The following ELF1 variants were observed in gnomAD, a reference collection of about 807,000 sequenced individuals.
The protein encoded by ELF1 is ETS-related transcription factor Elf-1.
In ELF1, 24 loss-of-function variants were observed where a neutral mutation model predicts 59.9. The observed-to-expected ratio is 0.40, with a 90% CI of 0.29 to 0.56. ELF1 has a LOEUF of 0.56. Ranked by LOEUF, ELF1 falls within the 20% of genes least tolerant of loss-of-function variation. The pLI is 0.44. For synonymous variants in ELF1, 248 were observed against 266.2 expected, an observed-to-expected ratio of 0.93 and a Z score of 0.67; for missense variants, 627 against 742.2, an observed-to-expected ratio of 0.84 and a Z score of 1.80.
chr13:41,060,908 TGCTGCTGCCGCCGCC>T, exon 1 of ELF1: 1 of 275,360 alleles, frequency 3.6e-6, no homozygotes, highest in East Asian at 1.0e-4. Flanking sequence ...CTACTGAAGC[TGCTGCTGCCGCCGCC>T]GCCGCCGCCG....
At chr13:41,042,180 A>C (rs1400401234) in intron 1 of ELF1, among the ~76,000 whole-genome samples, 1 of 151,642 alleles carries the variant, frequency 6.6e-6, no homozygotes, top group Non-Finnish European at 1.5e-5. Flanking sequence ...ATGCCACCAC[A>C]CCCGGCTAAT....
chr13:40,936,771 A>AG (rs1338182725), intron 8 of ELF1, among the ~76,000 whole-genome samples: 1 of 148,602 alleles, frequency 6.7e-6, no homozygotes, highest in South Asian at 2.1e-4. Context: ...AAAAAAAAAA[A>AG]AAAAAAGAAA....
At chr13:41,045,162 G>C (rs1189648409) in intron 1 of ELF1, among the ~76,000 whole-genome samples, 2 of 149,024 alleles carry the variant, frequency 1.3e-5, no homozygotes, top group Non-Finnish European at 1.5e-5. Context: ...ATTTTTTATT[G>C]CATCTATTTG....
rs55938711 is a variant in ELF1 at position 41,000,237 on chromosome 13, CTTTTTTTTTTTTT to C, written c.-228-17968_-228-17956del. ...CCAAATGAGGCTGCATTGAACCTGGCTTTTTTTTTTTTTTTTTTTTTTTTTTTTTTTGAGACAG... is the reference window on the plus strand; with the variant it reads ...CCAAATGAGGCTGCATTGAACCTGGCTTTTTTTTTTTTTTTTTTGAGACAG... On this transcript the variant is annotated intron_variant, in intron 1 of 8. Coordinates refer to ENST00000239882, the MANE Select transcript of ELF1 (RefSeq NM_172373.4). 3.7e-3 allele frequency among the ~76,000 whole-genome samples: 200 copies of C among 54,752 alleles called. 2 individuals carry two copies. The highest frequency in any genetic ancestry group is 0.013 in the African/African-American group (168 of 12,992). 35.9% of individuals were successfully genotyped at this position (54,752 alleles called of 152,430 possible). A position where few individuals can be genotyped will look rare whatever the true frequency, so the allele number is the denominator to read the frequency against.
intron 1 of ELF1, among the ~76,000 whole-genome samples, chr13:40,984,139 G>C (rs1234020047): frequency 6.6e-6 from 1 of 152,184 alleles, no homozygotes; most frequent in African/African-American, 2.4e-5. Flanking sequence ...CAATGTGCCA[G>C]GCACCAAGAC....
intron 1 of ELF1, among the ~76,000 whole-genome samples, chr13:41,053,353 C>CAA (rs771853618): frequency 4.0e-5 from 5 of 125,480 alleles, no homozygotes; most frequent in African/African-American, 1.2e-4. Flanking sequence ...GACTCCGTCT[C>CAA]AAAAAAAAAA....
At chr13:41,005,590 T>C (rs1874700846) in intron 1 of ELF1, among the ~76,000 whole-genome samples, 1 of 152,000 alleles carries the variant, frequency 6.6e-6, no homozygotes, top group Non-Finnish European at 1.5e-5. Flanking sequence ...TCTCCTGTAC[T>C]ACAATTTATA....
intron 1 of ELF1, among the ~76,000 whole-genome samples, chr13:41,050,771 G>C (rs555837909): frequency 6.6e-6 from 1 of 151,918 alleles, no homozygotes; most frequent in African/African-American, 2.4e-5. Flanking sequence ...GGCTGGTCTC[G>C]AACTCCTTAC....
intron 4 of ELF1, 110 bp downstream of exon 4, chr13:40,951,219 G>T (rs919963988): frequency 4.5e-6 from 4 of 879,498 alleles, no homozygotes; most frequent in African/African-American, 3.4e-5. Context: ...AAATGTGATT[G>T]TAACAAAAAA....
upstream of ELF1, among the ~76,000 whole-genome samples, chr13:41,022,633 C>T (rs1299113050): frequency 6.6e-6 from 1 of 152,340 alleles, no homozygotes; most frequent in East Asian, 1.9e-4. Context: ...GTAATCCCAG[C>T]ACTTTGGGAG....
intron 1 of ELF1, among the ~76,000 whole-genome samples, chr13:40,994,757 T>C (rs1202033544): frequency 6.6e-6 from 1 of 152,228 alleles, no homozygotes; most frequent in Non-Finnish European, 1.5e-5. Context: ...CAAAACCTGT[T>C]CAGGCAGTTA....
At chr13:40,974,912 A>G (rs1348223281) in intron 2 of ELF1, among the ~76,000 whole-genome samples, 1 of 152,192 alleles carries the variant, frequency 6.6e-6, no homozygotes, top group Non-Finnish European at 1.5e-5. Context: ...TCTCCCCCAG[A>G]AGGCAATCAG....
At chr13:41,011,674 G>A (rs1466293097) in intron 1 of ELF1, among the ~76,000 whole-genome samples, 1 of 151,892 alleles carries the variant, frequency 6.6e-6, no homozygotes, top group East Asian at 1.9e-4. Flanking sequence ...AAACTCCTGG[G>A]CCCAAGTGAT....
intron 1 of ELF1, among the ~76,000 whole-genome samples, chr13:41,057,024 T>C (rs977641589): frequency 3.3e-5 from 5 of 152,172 alleles, no homozygotes; most frequent in African/African-American, 9.7e-5. Flanking sequence ...GTCCAGATAA[T>C]GTTGGACCTA....
intron 3 of ELF1, chr13:40,951,723 TG>T (rs1870865156): frequency 5.3e-6 from 1 of 188,608 alleles, no homozygotes; most frequent in Non-Finnish European, 1.1e-5. Context: ...AAAAATTAGC[TG>T]GGCGTGGTGG....
Position 40,982,202 on chromosome 13 carries a change from C to T in ELF1, c.-148G>A, listed in dbSNP as rs1740612910. On this transcript the variant is annotated 5_prime_UTR_variant, in exon 2 of 9. Transcript: ENST00000239882. ...ACCCAAGTTTTCTTTAGGGAAGGTG[C>T]TTCAGTTTTCCTGGTTCATTGATAT... The T allele has an allele frequency of 7.7e-7, 1 of 1,298,916 alleles. No individual in the cohort carries two copies. Among genetic ancestry groups the T allele is most frequent in the African/African-American group, 1.5e-5 (1 of 65,256 alleles). The allele number at this position is 1,298,916 out of a possible 1,614,324, so 80.5% of individuals were successfully genotyped here. A position where few individuals can be genotyped will look rare whatever the true frequency, so the allele number is the denominator to read the frequency against.
At chr13:41,047,535 G>C (rs757405193) in intron 1 of ELF1, among the ~76,000 whole-genome samples, 3 of 152,206 alleles carry the variant, frequency 2.0e-5, no homozygotes, top group Non-Finnish European at 4.4e-5. Flanking sequence ...GGAGTTTGCT[G>C]GAGGTCCATT....
intron 2 of ELF1, among the ~76,000 whole-genome samples, chr13:40,963,029 A>G (rs532832895): frequency 6.6e-6 from 1 of 152,348 alleles, no homozygotes; most frequent in Non-Finnish European, 1.5e-5. Flanking sequence ...CCAACATTTA[A>G]TATGCACGAG....
intron 1 of ELF1, among the ~76,000 whole-genome samples, chr13:41,048,488 A>G (rs1876952647): frequency 6.6e-6 from 1 of 152,142 alleles, no homozygotes; most frequent in African/African-American, 2.4e-5. Context: ...GTACAAACAC[A>G]GCTTACTGCA....
Sources: gnomAD v4.1 joint callset for allele counts (sites outside exome capture counted in the v4.1 genomes callset) on GRCh38, gnomAD v4.1.1 for gene constraint, MANE v1.5 for transcripts, NCBI Gene and HGNC (gene_info 2026-07-23, HGNC 2026-07-21) for gene names.